Variants in KDM6B observed in about 807,000 individuals in gnomAD.
The protein encoded by KDM6B is lysine demethylase 6B.
KDM6B carries 22 observed loss-of-function variants against 150.4 expected under a neutral mutation model. That is an observed-to-expected ratio of 0.15 (90% CI 0.10 to 0.21). The LOEUF (loss-of-function observed/expected upper bound fraction) is 0.21, where lower values mean the gene tolerates loss of function less well. KDM6B is among the 10% of genes least tolerant of loss of function. KDM6B has a pLI of 1.00. For missense variants in KDM6B, 1,984 were observed against 2,234.3 expected (o/e 0.89, Z 2.26); for synonymous variants, 1,148 against 921.1 (o/e 1.25, Z -4.46).
chr17:7,847,648 G>T lies in KDM6B; in HGVS notation c.1360G>T (p.Ala454Ser). 1 of 1,609,146 alleles carries T rather than the reference G, an allele frequency of 6.2e-7. No homozygotes were observed. The highest frequency in any genetic ancestry group is 8.5e-7 in the Non-Finnish European group (1 of 1,178,612). ...TCGGAAACCGTTCTTGGGGGCTCCC[G>T]CTGCCACTCCCCACCTATCCCTGCC... is the stretch of plus-strand genomic sequence containing the variant. The part of the protein sequence containing the change: ...SSRKPFLGAP[A>S]ATPHLSLPPG... Residue 454 changes from alanine to serine, a missense_variant, in exon 12 of 24, where the codon GCT (alanine) becomes TCT (serine). Transcript: ENST00000448097.
Position 7,848,500 on chromosome 17 carries a change from A to G in KDM6B, c.2212A>G (p.Thr738Ala). Residue 738 changes from threonine (T) to alanine (A), a missense_variant, in exon 12 of 24, where the codon ACC becomes GCC. By Grantham distance (58) the Thr-to-Ala change is moderately conservative. This residue lies in a region of KDM6B where 1,379 missense variants were observed against 1,275.6 expected (regional missense o/e 1.08). Transcript: ENST00000448097. ...PFASLQSPFP[T>A]DTAPTTTAPA... ...TGCATCTCTGCAGTCTCCTTTCCCC[A>G]CCGACACAGCCCCCACCACTACTGC... The G allele has an allele frequency of 6.3e-7, 1 of 1,590,576 alleles. No homozygotes were observed. Among genetic ancestry groups the G allele is most frequent in the Non-Finnish European group, 8.5e-7 (1 of 1,174,092 alleles).
At chr17:7,845,716 C>G (rs761981862) in intron 5 of KDM6B, 25 bp downstream of exon 5, 1 of 1,614,060 alleles carries the variant, frequency 6.2e-7, no homozygotes, top group Non-Finnish European at 8.5e-7. Flanking sequence ...CCCTCTGTCT[C>G]CAGGCACACC....
chr17:7,844,568 T>G lies in KDM6B; in HGVS notation c.-268-333T>G, dbSNP rs2078490773. Among the ~76,000 whole-genome samples, 1 of 152,176 alleles carries G rather than the reference T, an allele frequency of 6.6e-6. No individual in the cohort carries two copies. The highest frequency in any genetic ancestry group is 2.1e-4 in the South Asian group (1 of 4,836). On this transcript the variant is annotated intron_variant, in intron 2 of 23. Coordinates refer to ENST00000448097, the MANE Select transcript of KDM6B (RefSeq NM_001348716.2). The surrounding 1 kb of genome is among the most constrained non-coding windows in gnomAD (Gnocchi z 5.9). ...GTCTTTTTTGCGTTCTGCATCCGTC[T>G]GTCGTCCGTCGGTCTTACGGTGGCC...
chr17:7,846,481 C>T lies in KDM6B; in HGVS notation c.538C>T (p.Leu180=), dbSNP rs147441990. The T allele has an allele frequency of 1.4e-4, 231 of 1,613,546 alleles. No homozygotes were observed. Among genetic ancestry groups the T allele is most frequent in the East Asian group, 3.8e-4 (17 of 44,852 alleles). Residue 180 remains leucine (L), a synonymous_variant, in exon 8 of 24, where the codon CTA becomes TTA. Transcript: ENST00000448097. ...LPPLEQVWNL[L]HLEHKRNYGA... The stretch of plus-strand genomic sequence containing the variant: ...CCCACTGGAGCAAGTGTGGAACTTG[C>T]TACACCTTGAGGTGAGGCTGGCACT...
rs765025215 is a variant in KDM6B, at chr17:7,845,539, C to T, written c.-5-11C>T. The stretch of plus-strand genomic sequence containing the variant: ...CTCCAGTAAGAGCATAATTTCTTAT[C>T]CCCAACTCAGGCTGGATGCATCGGG... On this transcript the variant is annotated splice_polypyrimidine_tract_variant and intron_variant, in intron 4 of 23. Coordinates refer to ENST00000448097, the MANE Select transcript of KDM6B (RefSeq NM_001348716.2). The T allele has an allele frequency of 3.1e-6, 5 of 1,614,070 alleles. No homozygotes were observed. The highest frequency in any genetic ancestry group is 2.2e-5 in the East Asian group (1 of 44,892).
At chr17:7,836,605 G>C (rs2078336850) in intron 1 of KDM6B, among the ~76,000 whole-genome samples, 1 of 152,240 alleles carries the variant, frequency 6.6e-6, no homozygotes, top group South Asian at 2.1e-4. Context: ...GGGGCGTGTC[G>C]GGCCGACTCC....
chr17:7,843,445 C>T lies in KDM6B; in HGVS notation c.-268-1456C>T, dbSNP rs962945084. Among the ~76,000 whole-genome samples, 1 of 152,182 alleles carries T rather than the reference C, an allele frequency of 6.6e-6. No individual in the cohort carries two copies. Among genetic ancestry groups the T allele is most frequent in the African/African-American group, 2.4e-5 (1 of 41,442 alleles). Reference sequence around the variant, plus strand: ...GGCCCAAGCGACCACAAGGGCTTGGCGGAGAGTGGCACGCAGGGACCTGTA... The same window carrying T: ...GGCCCAAGCGACCACAAGGGCTTGGTGGAGAGTGGCACGCAGGGACCTGTA... On this transcript the variant is annotated intron_variant, in intron 2 of 23. Transcript: ENST00000448097. The surrounding 1 kb of genome is among the most constrained non-coding windows in gnomAD (Gnocchi z 4.5).
chr17:7,847,187 C>T lies in KDM6B; in HGVS notation c.992C>T (p.Pro331Leu), dbSNP rs765570096. The T allele has an allele frequency of 8.1e-6, 13 of 1,603,798 alleles. No homozygotes were observed. Among genetic ancestry groups the T allele is most frequent in the South Asian group, 3.3e-5 (3 of 91,046 alleles). Residue 331 changes from proline (P) to leucine (L), a missense_variant, in exon 11 of 24, where the codon CCG (proline) becomes CTG (leucine). This residue lies in a region of KDM6B where 1,379 missense variants were observed against 1,275.6 expected (regional missense o/e 1.08). Transcript: ENST00000448097. Reference sequence around the variant, plus strand: ...CACCCCCCTGGCCACCGGCTGGTCCCGGCTGCTCCCCCAGGCCCAGGCCCC... The same window carrying T: ...CACCCCCCTGGCCACCGGCTGGTCCTGGCTGCTCCCCCAGGCCCAGGCCCC... The part of the protein sequence containing the change: ...TAHPPGHRLV[P>L]AAPPGPGPRP...
chr17:7,841,831 G>C (rs1014031261), intron 2 of KDM6B, among the ~76,000 whole-genome samples: 1 of 152,180 alleles, frequency 6.6e-6, no homozygotes, highest in Non-Finnish European at 1.5e-5. Flanking sequence ...AGGGAATCCC[G>C]GGCGGGCGGC....
chr17:7,848,166 G>A lies in KDM6B; in HGVS notation c.1878G>A (p.Glu626=), dbSNP rs2078603818. ...CCTCAGGAAGCTTCAGGCGCCCGGA[G>A]AGCCCCCGGCCCAGGGTCTCCTTCC... is the stretch of plus-strand genomic sequence containing the variant. ...QNTSGSFRRP[E]SPRPRVSFPK... The change falls in exon 12 of 24, where the codon GAG becomes GAA. Residue 626 remains glutamate, a synonymous_variant. Coordinates refer to ENST00000448097, the MANE Select transcript of KDM6B (RefSeq NM_001348716.2). The A allele has an allele frequency of 2.5e-6, 4 of 1,612,588 alleles. No individual in the cohort carries two copies. The highest frequency in any genetic ancestry group is 2.5e-6 in the Non-Finnish European group (3 of 1,179,896).
Position 7,853,709 on chromosome 17 carries a change from GA to G in KDM6B, c.*194del. The G allele has an allele frequency of 2.7e-6, 1 of 364,860 alleles. No individual in the cohort carries two copies. 22.6% of individuals were successfully genotyped at this position (364,860 alleles called of 1,614,324 possible). On this transcript the variant is annotated 3_prime_UTR_variant, in exon 24 of 24. Transcript: ENST00000448097. ...TTTTTTTTTTTTTAGCAAATATGAGGAAAAAAGGAAAAAAAATGGGAGACGG... is the reference window on the plus strand; with the variant it reads ...TTTTTTTTTTTTTAGCAAATATGAGGAAAAAGGAAAAAAAATGGGAGACGG...
Position 7,847,979 on chromosome 17 carries a change from G to C in KDM6B, c.1691G>C (p.Ser564Thr). The change falls in exon 12 of 24, where the codon AGC becomes ACC. Residue 564 changes from serine (S) to threonine (T), a missense_variant. This residue lies in a region of KDM6B where 1,379 missense variants were observed against 1,275.6 expected (regional missense o/e 1.08). Transcript: ENST00000448097. ...AGCAACAGTGGCAGCCACAGCAGCAGCCCTGCTGGGCCTGTGTCCTTTCCC... is the reference window on the plus strand; with the variant it reads ...AGCAACAGTGGCAGCCACAGCAGCACCCCTGCTGGGCCTGTGTCCTTTCCC... ...SNSNSGSHSSSPAGPVSFPPP... is the reference protein window; with the variant it reads ...SNSNSGSHSSTPAGPVSFPPP... 6.2e-7 allele frequency: 1 copy of C among 1,611,150 alleles called. No individual in the cohort carries two copies. The highest frequency in any genetic ancestry group is 8.5e-7 in the Non-Finnish European group (1 of 1,179,184).
rs2078287333 is a variant in KDM6B, at chr17:7,834,357, G to A, written c.-388+7G>A. Among the ~76,000 whole-genome samples the A allele has an allele frequency of 1.3e-5, 2 of 152,080 alleles. No homozygotes were observed. Among genetic ancestry groups the A allele is most frequent in the Non-Finnish European group, 2.9e-5 (2 of 68,008 alleles). On this transcript the variant is annotated splice_region_variant and intron_variant, in intron 1 of 23. Coordinates refer to ENST00000448097, the MANE Select transcript of KDM6B (RefSeq NM_001348716.2). ...GGACCCCCCCCAGAACCAGGTAACGGGGAGCCGCGAGGACGTCTGTAAAGA... is the reference window on the plus strand; with the variant it reads ...GGACCCCCCCCAGAACCAGGTAACGAGGAGCCGCGAGGACGTCTGTAAAGA...
chr17:7,846,371 G>GGGGGGGGCCCGGGGGGCCCCCCCC, intron 7 of KDM6B, 29 bp from the exon 8 acceptor site: 1 of 1,488,926 alleles, frequency 6.7e-7, no homozygotes, highest in Non-Finnish European at 9.2e-7. Flanking sequence ...CCTGACATCT[G>GGGGGGGGCCCGGGGGGCCCCCCCC]CCCCTGCCCC....
At chr17:7,852,128 T>TGACC (rs2078710296) in intron 19 of KDM6B, 21 bp from the exon 20 acceptor site, 1 of 1,614,008 alleles carries the variant, frequency 6.2e-7, no homozygotes, top group Middle Eastern at 1.6e-4. Context: ...AGTTCCCACC[T>TGACC]GACCTGTGGC....
chr17:7,847,615 C>A lies in KDM6B; in HGVS notation c.1327C>A (p.His443Asn). ...SHHGRLGPSA[H>N]SSRKPFLGAP... ...CCATGGCCGCCTGGGGCCCTCGGCA[C>A]ACAGCAGTCGGAAACCGTTCTTGGG... is the stretch of plus-strand genomic sequence containing the variant. The change falls in exon 12 of 24, where the codon CAC becomes AAC. Residue 443 changes from histidine (H) to asparagine (N), a missense_variant. His to Asn is a moderately conservative substitution (Grantham distance 68, BLOSUM62 1). Coordinates refer to ENST00000448097, the MANE Select transcript of KDM6B (RefSeq NM_001348716.2). The A allele has an allele frequency of 6.2e-7, 1 of 1,612,390 alleles. No individual in the cohort carries two copies. Among genetic ancestry groups the A allele is most frequent in the Non-Finnish European group, 8.5e-7 (1 of 1,179,718 alleles).
chr17:7,847,820 C>T lies in KDM6B; in HGVS notation c.1532C>T (p.Pro511Leu), dbSNP rs61031471. 22 of 1,539,924 alleles carry T rather than the reference C, an allele frequency of 1.4e-5. No individual in the cohort carries two copies. Among genetic ancestry groups the T allele is most frequent in the African/African-American group, 1.4e-4 (10 of 72,032 alleles). Residue 511 changes from proline to leucine, a missense_variant, in exon 12 of 24, where the codon CCC becomes CTC. Transcript: ENST00000448097. ...LEELFFGTEG[P>L]PRPAPPPLPH... is the part of the protein sequence containing the mutation. ...GAGCTCTTCTTTGGGACTGAGGGAC[C>T]CCCCCGCCCTGCCCCACCACCCCTC...
Position 7,844,571 on chromosome 17 carries a change from C to T in KDM6B, c.-268-330C>T, listed in dbSNP as rs534460200. ...TTTTTTGCGTTCTGCATCCGTCTGTCGTCCGTCGGTCTTACGGTGGCCGGG... is the reference window on the plus strand; with the variant it reads ...TTTTTTGCGTTCTGCATCCGTCTGTTGTCCGTCGGTCTTACGGTGGCCGGG... On this transcript the variant is annotated intron_variant, in intron 2 of 23. Transcript: ENST00000448097. This position sits in a 1 kb window ranked among gnomAD's most constrained non-coding sequence, Gnocchi z 5.9. Among the ~76,000 whole-genome samples, 4 of 152,278 alleles carry T rather than the reference C, an allele frequency of 2.6e-5. No homozygotes were observed. Among genetic ancestry groups the T allele is most frequent in the Admixed American group, 2.0e-4 (3 of 15,308 alleles).
chr17:7,848,082 T>C lies in KDM6B; in HGVS notation c.1794T>C (p.Pro598=), dbSNP rs1275178298. 1 of 1,596,648 alleles carries C rather than the reference T, an allele frequency of 6.3e-7. No homozygotes were observed. Among genetic ancestry groups the C allele is most frequent in the South Asian group, 1.1e-5 (1 of 90,530 alleles). The change falls in exon 12 of 24, where the codon CCT becomes CCC. Residue 598 remains proline (P), a synonymous_variant. Transcript: ENST00000448097. ...PSPAQNPQDP[P]LVPLTLALPP... ...CAGCACAGAACCCCCAGGACCCACCTCTTGTACCCCTGACTCTTGCCCTGC... is the reference window on the plus strand; with the variant it reads ...CAGCACAGAACCCCCAGGACCCACCCCTTGTACCCCTGACTCTTGCCCTGC...
Sources: allele counts gnomAD v4.1 joint callset (sites outside exome capture counted in the v4.1 genomes callset), GRCh38; gene constraint gnomAD v4.1.1; regional missense constraint gnomAD v4.1.1; non-coding constraint Gnocchi (gnomAD v3.1); transcripts MANE v1.5; gene names NCBI Gene and HGNC (gene_info 2026-07-23, HGNC 2026-07-21).